Variants in OPA1 observed in about 807,000 individuals in gnomAD.
OPA1 encodes the protein dynamin-like GTPase OPA1, mitochondrial.
OPA1 carries 59 observed loss-of-function variants against 152.9 expected under a neutral mutation model. The observed-to-expected ratio is 0.39, with a 90% CI of 0.31 to 0.48. OPA1 has a LOEUF of 0.48. Among genes scored for constraint, OPA1 ranks in the 20% least tolerant of loss-of-function variants. The pLI is 0.96. For synonymous variants in OPA1, 400 were observed against 389.9 expected, an observed-to-expected ratio of 1.03 and a Z score of -0.31; for missense variants, 1,008 against 1,216.8, an observed-to-expected ratio of 0.83 and a Z score of 2.55.
intron 10 of OPA1, among the ~76,000 whole-genome samples, chr3:193,637,537 T>C (rs1290154880): frequency 6.6e-6 from 1 of 152,058 alleles, no homozygotes; most frequent in Non-Finnish European, 1.5e-5. Context: ...AAGGAAGATA[T>C]TTGGCTTTAT....
At chr3:193,630,664 T>A (rs1731937884) in intron 7 of OPA1, among the ~76,000 whole-genome samples, 1 of 152,168 alleles carries the variant, frequency 6.6e-6, no homozygotes, top group Non-Finnish European at 1.5e-5. Flanking sequence ...GTGAAATAAG[T>A]TCATATTTAC....
chr3:193,619,069 T>C (rs1729562664), intron 6 of OPA1, 133 bp downstream of exon 6: 1 of 741,328 alleles, frequency 1.3e-6, no homozygotes, highest in Non-Finnish European at 2.4e-6. Context: ...ATATCGTTAC[T>C]AATCTTAGTG....
At chr3:193,619,527 A>G (rs1180670613) in intron 6 of OPA1, 5 of 152,492 alleles carry the variant, frequency 3.3e-5, no homozygotes, top group African/African-American at 9.6e-5. Context: ...AACAAAATCC[A>G]TATGAAAGTT....
rs142426755 is a variant in OPA1 at position 193,648,801 on chromosome 3, C to T, written c.1942C>T (p.Leu648=). 1.3e-6 allele frequency: 2 copies of T among 1,595,150 alleles called. No individual in the cohort carries two copies. Among genetic ancestry groups the T allele is most frequent in the African/African-American group, 2.7e-5 (2 of 74,500 alleles). ...TTGTATTTATATTGCCTAGAATGAA[C>T]TATTTGAAAAAGCTAAAAATGAAAT... ...PRLRELDRNE[L]FEKAKNEILD... The change falls in exon 21 of 31, where the codon CTA becomes TTA. Residue 648 remains leucine (L), a synonymous_variant. Transcript: ENST00000361510.
intron 25 of OPA1, 150 bp from the exon 26 acceptor site, chr3:193,662,672 G>A: frequency 1.4e-6 from 1 of 691,190 alleles, no homozygotes; most frequent in South Asian, 1.9e-5. Flanking sequence ...CCGGGGTGCT[G>A]TGTTCTTTCT....
Position 193,645,797 on chromosome 3 carries a change from T to G in OPA1, c.1751T>G (p.Leu584Arg), listed in dbSNP as rs1283533934. The stretch of plus-strand genomic sequence containing the variant: ...GAGTTTTTTCAGAATTCAAAGCTCC[T>G]AAAGTAGGTATCTTGTTAAAACATT... ...EEEFFQNSKL[L>R]KTSMLKAHQV... The change falls in exon 18 of 31, where the codon CTA (leucine) becomes CGA (arginine). Residue 584 changes from leucine to arginine, a missense_variant. This residue lies in a region of OPA1 where 213 missense variants were observed against 291.4 expected (regional missense o/e 0.73). Coordinates refer to ENST00000361510, the MANE Select transcript of OPA1 (RefSeq NM_130837.3). 1.2e-6 allele frequency: 2 copies of G among 1,605,898 alleles called. No individual in the cohort carries two copies. The highest frequency in any genetic ancestry group is 2.7e-5 in the African/African-American group (2 of 74,776).
intron 11 of OPA1, among the ~76,000 whole-genome samples, chr3:193,639,174 G>A (rs537881264): frequency 6.6e-6 from 1 of 152,144 alleles, no homozygotes; most frequent in Non-Finnish European, 1.5e-5. Context: ...GATATTTACG[G>A]AATGCTTAAT....
At chr3:193,668,467 T>C in intron 29 of OPA1, 1 of 1,550,706 alleles carries the variant, frequency 6.4e-7, no homozygotes, top group East Asian at 2.4e-5. Flanking sequence ...TGAGCTCTGC[T>C]CTGACGCTTT....
At chr3:193,593,927 G>A (rs910141416) in intron 1 of OPA1, among the ~76,000 whole-genome samples, 1 of 152,098 alleles carries the variant, frequency 6.6e-6, no homozygotes, top group Non-Finnish European at 1.5e-5. Flanking sequence ...CCCGCTGATA[G>A]AAGTCAGAAC....
intron 29 of OPA1, among the ~76,000 whole-genome samples, chr3:193,681,710 T>A (rs958090641): frequency 6.6e-6 from 1 of 152,214 alleles, no homozygotes; most frequent in Admixed American, 6.5e-5. Context: ...TTGCAATATT[T>A]CAAATTTTTC....
chr3:193,644,466 T>C (rs1734233045), intron 16 of OPA1, among the ~76,000 whole-genome samples: 1 of 152,208 alleles, frequency 6.6e-6, no homozygotes, highest in Non-Finnish European at 1.5e-5. Context: ...AAAGCATATG[T>C]TATAATTAAA....
rs1001952781 is a variant in OPA1 at position 193,676,897 on chromosome 3, C to T, written c.2983+9617C>T. On this transcript the variant is annotated intron_variant, in intron 29 of 30. Transcript: ENST00000361510. ...TGGGGAGGCTGAGGCAGGAGAATGG[C>T]GTGAACCTGGGAGGCGGAGCTTGCG... Among the ~76,000 whole-genome samples, 6 of 142,238 alleles carry T rather than the reference C, an allele frequency of 4.2e-5. No individual in the cohort carries two copies. In the South Asian group the frequency reaches 6.9e-4, roughly 16 times the overall value. 93.3% of individuals were successfully genotyped at this position (142,238 alleles called of 152,430 possible).
intron 21 of OPA1, among the ~76,000 whole-genome samples, chr3:193,654,533 A>G (rs938111005): frequency 4.6e-5 from 7 of 152,138 alleles, no homozygotes; most frequent in Admixed American, 2.6e-4. Flanking sequence ...AATACATACA[A>G]CAGCATGATG....
intron 13 of OPA1, 45 bp downstream of exon 13, chr3:193,643,094 T>C: frequency 6.9e-7 from 1 of 1,450,448 alleles, no homozygotes; most frequent in Non-Finnish European, 9.7e-7. Flanking sequence ...GGAAATTAAA[T>C]GTTTATGATT....
chr3:193,609,987 C>G (rs1303398249), intron 1 of OPA1, among the ~76,000 whole-genome samples: 2 of 152,284 alleles, frequency 1.3e-5, no homozygotes, highest in East Asian at 3.9e-4. Flanking sequence ...TTCGAACTTC[C>G]TCCTTTAGCT....
intron 1 of OPA1, among the ~76,000 whole-genome samples, chr3:193,593,863 T>C (rs1393164245): frequency 6.6e-6 from 1 of 152,130 alleles, no homozygotes; most frequent in Non-Finnish European, 1.5e-5. Context: ...ACATTGCATC[T>C]TCAGGTACCT....
intron 1 of OPA1, among the ~76,000 whole-genome samples, chr3:193,600,392 T>C (rs1287796432): frequency 1.3e-5 from 2 of 152,212 alleles, no homozygotes; most frequent in African/African-American, 4.8e-5. Context: ...GCTGATCCAG[T>C]TGGAGTAAGA....
intron 29 of OPA1, among the ~76,000 whole-genome samples, chr3:193,683,055 A>G (rs1454646046): frequency 6.6e-6 from 1 of 152,140 alleles, no homozygotes; most frequent in African/African-American, 2.4e-5. Flanking sequence ...TTCAGGATTC[A>G]TGGGAGGAGG....
chr3:193,682,985 G>GAA (rs113787827), intron 29 of OPA1, among the ~76,000 whole-genome samples: 1 of 151,654 alleles, frequency 6.6e-6, no homozygotes. Context: ...ATGGATTTAG[G>GAA]AGAAAAAAAA....
Sources: gnomAD v4.1 joint callset for allele counts (sites outside exome capture counted in the v4.1 genomes callset) on GRCh38, gnomAD v4.1.1 for gene constraint, gnomAD v4.1.1 regional missense constraint, MANE v1.5 for transcripts, NCBI Gene and HGNC (gene_info 2026-07-23, HGNC 2026-07-21) for gene names.